CTNNA2: variants seen among roughly 807,000 people sequenced by gnomAD.
CTNNA2 encodes the protein catenin alpha 2.
A neutral mutation model predicts 101.0 loss-of-function variants in CTNNA2; 42 were observed. The observed-to-expected ratio is 0.42, with a 90% CI of 0.32 to 0.54. CTNNA2 has a LOEUF of 0.54. Ranked by LOEUF, CTNNA2 falls within the 20% of genes least tolerant of loss-of-function variation. The pLI is 0.14. For missense variants in CTNNA2, 871 were observed against 1,223.1 expected, an observed-to-expected ratio of 0.71 and a Z score of 4.29; for synonymous variants, 450 against 456.4, an observed-to-expected ratio of 0.99 and a Z score of 0.18.
intron 12 of CTNNA2, among the ~76,000 whole-genome samples, chr2:80,571,677 C>T (rs1161422920): frequency 2.0e-5 from 3 of 151,950 alleles, no homozygotes; most frequent in Non-Finnish European, 4.4e-5. Flanking sequence ...GAACTTTGAC[C>T]TCAGGGCTTA....
intron 4 of CTNNA2, among the ~76,000 whole-genome samples, chr2:79,434,679 A>G (rs1430370379): frequency 1.3e-5 from 2 of 152,162 alleles, no homozygotes; most frequent in Non-Finnish European, 2.9e-5. Context: ...AAAGATCATC[A>G]GCCTAGGTCC....
At chr2:80,324,728 C>T (rs1009931957) in intron 7 of CTNNA2, among the ~76,000 whole-genome samples, 2 of 151,884 alleles carry the variant, frequency 1.3e-5, no homozygotes, top group Non-Finnish European at 2.9e-5. Flanking sequence ...TTGACCACCT[C>T]CCTCCCCTCA....
rs752736037 is a variant in CTNNA2, at chr2:80,303,364, G to C, written c.1057-89847G>C. 2.3e-4 allele frequency: 373 copies of C among 1,613,992 alleles called. 2 individuals are homozygous for C. Among genetic ancestry groups the C allele is most frequent in the Non-Finnish European group, 1.5e-5 (18 of 1,180,048 alleles). ...GCAGCCCGTGGAAGAGGTCGGGCGC[G>C]AGCGCCTGCAGCTTGTTGTACGAGA... On this transcript the variant is annotated intron_variant, in intron 7 of 18. Transcript: ENST00000402739. This position sits in a 1 kb window ranked among gnomAD's most constrained non-coding sequence, Gnocchi z 7.7.
intron 8 of CTNNA2, among the ~76,000 whole-genome samples, chr2:80,398,652 C>CACTTG (rs1425156314): frequency 2.2e-4 from 32 of 142,810 alleles, no homozygotes; most frequent in Non-Finnish European, 3.8e-4. Context: ...GTCAGGAGTT[C>CACTTG]AAGACCAGCC....
At chr2:80,115,346 T>TA (rs1252954607) in intron 7 of CTNNA2, among the ~76,000 whole-genome samples, 1 of 152,200 alleles carries the variant, frequency 6.6e-6, no homozygotes, top group Non-Finnish European at 1.5e-5. Flanking sequence ...GGTATACACT[T>TA]ATGATAATTG....
chr2:79,937,915 A>G, intron 7 of CTNNA2, among the ~76,000 whole-genome samples: 1 of 152,230 alleles, frequency 6.6e-6, no homozygotes, highest in East Asian at 1.9e-4. Context: ...TAGACATTCC[A>G]CATGCCTTTC....
intron 7 of CTNNA2, among the ~76,000 whole-genome samples, chr2:80,291,826 A>C (rs1318300151): frequency 6.6e-6 from 1 of 152,190 alleles, no homozygotes; most frequent in Non-Finnish European, 1.5e-5. Flanking sequence ...GTGTGTGCAC[A>C]TGGCCACGTG....
intron 4 of CTNNA2, among the ~76,000 whole-genome samples, chr2:79,502,595 C>T (rs978233395): frequency 1.3e-5 from 2 of 152,064 alleles, no homozygotes; most frequent in East Asian, 3.9e-4. Flanking sequence ...AACTGATAAT[C>T]GTTGAAGCTG....
At chr2:80,048,108 A>C (rs943947355) in intron 7 of CTNNA2, among the ~76,000 whole-genome samples, 3 of 152,168 alleles carry the variant, frequency 2.0e-5, no homozygotes, top group Admixed American at 2.0e-4. Flanking sequence ...AAATAGGATC[A>C]CCAGATTTAA....
At chr2:80,215,014 C>G (rs979037908) in intron 7 of CTNNA2, among the ~76,000 whole-genome samples, 1 of 152,174 alleles carries the variant, frequency 6.6e-6, no homozygotes, top group African/African-American at 2.4e-5. Context: ...ATTTAACCTT[C>G]AATCACTGAT....
At position 79,192,601 on chromosome 2, in the gene CTNNA2, C is replaced by T. The variant is rs147390165; in HGVS notation, c.-523-5358C>T. The stretch of plus-strand genomic sequence containing the variant: ...TTGAGATAGCAAAATATAAGACATG[C>T]GAATTATCTAATTTAAAATGTAAAG... On this transcript the variant is annotated intron_variant, in intron 1 of 21. Coordinates refer to the CTNNA2 transcript ENST00000466387. Among the ~76,000 whole-genome samples, 687 of 152,026 alleles carry T rather than the reference C, an allele frequency of 4.5e-3. 4 individuals carry two copies. The highest frequency in any genetic ancestry group is 0.016 in the African/African-American group (659 of 41,448).
At chr2:80,107,528 A>G (rs1412840815) in intron 7 of CTNNA2, among the ~76,000 whole-genome samples, 1 of 152,172 alleles carries the variant, frequency 6.6e-6, no homozygotes, top group Non-Finnish European at 1.5e-5. Context: ...CTCTCTGCTG[A>G]TAGCCATTTC....
intron 15 of CTNNA2, among the ~76,000 whole-genome samples, chr2:80,601,362 G>A (rs537915284): frequency 1.3e-5 from 2 of 148,724 alleles, no homozygotes; most frequent in Non-Finnish European, 3.0e-5. Context: ...CTCTTTAAAG[G>A]TTTAGTTAAC....
chr2:79,332,197 G>A (rs1432191103), intron 3 of CTNNA2, among the ~76,000 whole-genome samples: 1 of 151,626 alleles, frequency 6.6e-6, no homozygotes, highest in Non-Finnish European at 1.5e-5. Flanking sequence ...CAAATATATT[G>A]CAAGGGTATG....
intron 3 of CTNNA2, among the ~76,000 whole-genome samples, chr2:79,323,798 C>A (rs1387750814): frequency 1.3e-5 from 2 of 152,182 alleles, no homozygotes; most frequent in East Asian, 1.9e-4. Context: ...GTTTTTTTCT[C>A]ACTCTTAAAG....
chr2:79,659,273 C>A (rs886555510), intron 2 of CTNNA2, among the ~76,000 whole-genome samples: 3 of 148,448 alleles, frequency 2.0e-5, no homozygotes, highest in Non-Finnish European at 4.4e-5. Flanking sequence ...CAAAATATAG[C>A]ATTTTATGCA....
chr2:80,281,500 G>A (rs915379438), intron 7 of CTNNA2, among the ~76,000 whole-genome samples: 4 of 152,030 alleles, frequency 2.6e-5, no homozygotes. Context: ...ATAGTCAAAG[G>A]GCAATTTCTC....
chr2:80,144,370 T>C (rs897711536), intron 7 of CTNNA2, among the ~76,000 whole-genome samples: 2 of 152,142 alleles, frequency 1.3e-5, no homozygotes, highest in Non-Finnish European at 2.9e-5. Context: ...TTATAAAAAT[T>C]TAAAAAGATT....
intron 3 of CTNNA2, among the ~76,000 whole-genome samples, chr2:79,830,078 A>C (rs923362565): frequency 6.6e-6 from 1 of 152,180 alleles, no homozygotes; most frequent in African/African-American, 2.4e-5. Context: ...GGAGACTGAG[A>C]GAGACGAGGG....
Sources: allele counts gnomAD v4.1 joint callset (sites outside exome capture counted in the v4.1 genomes callset), GRCh38; gene constraint gnomAD v4.1.1; non-coding constraint Gnocchi (gnomAD v3.1); transcripts MANE v1.5; gene names NCBI Gene and HGNC (gene_info 2026-07-23, HGNC 2026-07-21).